Variants in LINS1 observed in about 807,000 individuals in gnomAD.
The protein encoded by LINS1 is lines homolog 1.
In LINS1, 27 loss-of-function variants were observed where a neutral mutation model predicts 41.6. The ratio of observed to expected loss-of-function variants is 0.65; its 90% CI spans 0.48 to 0.89. LINS1 has a LOEUF of 0.89. LINS1 is among the 40% of genes least tolerant of loss of function. The pLI is 0.00. For synonymous variants in LINS1, 336 were observed against 312.9 expected, an observed-to-expected ratio of 1.07 and a Z score of -0.78; for missense variants, 955 against 884.1, an observed-to-expected ratio of 1.08 and a Z score of -1.02.
At chr15:100,598,905 C>T (rs1471277495) in intron 1 of LINS1, among the ~76,000 whole-genome samples, 2 of 152,198 alleles carry the variant, frequency 1.3e-5, no homozygotes, top group Non-Finnish European at 2.9e-5. Context: ...CTTTATGGGC[C>T]AGGACACAGC....
At chr15:100,572,714 T>C (rs1357901340) in intron 5 of LINS1, 5 of 985,836 alleles carry the variant, frequency 5.1e-6, no homozygotes, top group Non-Finnish European at 6.0e-6. Flanking sequence ...TGAATCTGTA[T>C]GCTGCCTGTT....
At chr15:100,580,983 A>G in intron 1 of LINS1, 38 bp from the exon 2 acceptor site, 1 of 725,548 alleles carries the variant, frequency 1.4e-6, no homozygotes, top group Non-Finnish European at 2.2e-6. Flanking sequence ...TCTAACTGCT[A>G]TATGCTTATT....
intron 3 of LINS1, among the ~76,000 whole-genome samples, chr15:100,578,429 C>A (rs2038321972): frequency 6.6e-6 from 1 of 151,868 alleles, no homozygotes; most frequent in Non-Finnish European, 1.5e-5. Flanking sequence ...AAAAAATGCT[C>A]ATCATCACTG....
chr15:100,575,588 C>A (rs1314292146), intron 3 of LINS1, among the ~76,000 whole-genome samples: 1 of 152,130 alleles, frequency 6.6e-6, no homozygotes, highest in Admixed American at 6.5e-5. Flanking sequence ...GACTTTAACA[C>A]CCCACTGTCA....
intron 6 of LINS1, among the ~76,000 whole-genome samples, chr15:100,571,471 C>T (rs1231539545): frequency 6.6e-6 from 1 of 152,198 alleles, no homozygotes; most frequent in Admixed American, 6.5e-5. Flanking sequence ...CCAAATTCGA[C>T]TGAAACGAAA....
In LINS1 at chr15:100,580,496, T is replaced by C; in HGVS notation, c.347A>G (p.Tyr116Cys). The part of the protein sequence containing the change: ...VKTEFHAKEQ[Y>C]RDVIKILLES... ...TAAGAGAATTTTAATTACATCTCTGTACTGCTCCTTTGCATGGAACTCGGT... is the reference window on the plus strand; with the variant it reads ...TAAGAGAATTTTAATTACATCTCTGCACTGCTCCTTTGCATGGAACTCGGT... Residue 116 changes from tyrosine (Y) to cysteine (C), a missense_variant, in exon 2 of 7, where the codon TAC becomes TGC. By Grantham distance (194) the Tyr-to-Cys change is radical. Coordinates refer to ENST00000314742, the MANE Select transcript of LINS1 (RefSeq NM_001040616.3). The C allele has an allele frequency of 6.2e-7, 1 of 1,614,070 alleles. No homozygotes were observed.
intron 3 of LINS1, among the ~76,000 whole-genome samples, chr15:100,579,730 A>G (rs2038418001): frequency 6.6e-6 from 1 of 152,200 alleles, no homozygotes; most frequent in Non-Finnish European, 1.5e-5. Flanking sequence ...ACTGTTTTAT[A>G]TTATGCTGAG....
chr15:100,568,027 G>C lies in LINS1; in HGVS notation c.*1211C>G, dbSNP rs943319158. ...TTAGACTGCCTTAATGCCAGACTTC[G>C]CAGCACAATATAGCTATTGCTCCTA... is the stretch of plus-strand genomic sequence containing the variant. On this transcript the variant is annotated 3_prime_UTR_variant, in exon 7 of 7. Coordinates refer to ENST00000314742, the MANE Select transcript of LINS1 (RefSeq NM_001040616.3). 1 of 151,346 alleles carries C rather than the reference G, an allele frequency of 6.6e-6. No homozygotes were observed. The highest frequency in any genetic ancestry group is 2.1e-4 in the South Asian group (1 of 4,792). 9.4% of individuals were successfully genotyped at this position (151,346 alleles called of 1,614,324 possible).
At chr15:100,594,367 T>C (rs1471014928) in intron 1 of LINS1, among the ~76,000 whole-genome samples, 1 of 152,196 alleles carries the variant, frequency 6.6e-6, no homozygotes, top group Non-Finnish European at 1.5e-5. Flanking sequence ...TCAGGGGTCT[T>C]TGATTTTGGT....
intron 3 of LINS1, among the ~76,000 whole-genome samples, chr15:100,577,455 C>G (rs1167878661): frequency 6.6e-6 from 1 of 152,118 alleles, no homozygotes; most frequent in African/African-American, 2.4e-5. Flanking sequence ...ACCTAGGAAT[C>G]CAACTTACAA....
chr15:100,601,767 A>G (rs1202042914), intron 1 of LINS1, among the ~76,000 whole-genome samples: 1 of 152,048 alleles, frequency 6.6e-6, no homozygotes, highest in Non-Finnish European at 1.5e-5. Flanking sequence ...TGATCAGTCT[A>G]TCTCGCGTTT....
intron 1 of LINS1, among the ~76,000 whole-genome samples, chr15:100,601,608 C>T (rs759430064): frequency 1.1e-4 from 16 of 151,964 alleles, no homozygotes; most frequent in Admixed American, 3.9e-4. Flanking sequence ...CACCATTCTG[C>T]TTGATTTTCC....
intron 1 of LINS1, among the ~76,000 whole-genome samples, chr15:100,598,526 C>T (rs1013516359): frequency 6.6e-6 from 1 of 152,212 alleles, no homozygotes; most frequent in Admixed American, 6.5e-5. Context: ...AAGCAACACA[C>T]ACTGAAGCAC....
At chr15:100,572,190 A>C (rs2037869131) in intron 5 of LINS1, 125 bp from the exon 6 acceptor site, 3 of 1,515,458 alleles carry the variant, frequency 2.0e-6, no homozygotes, top group Admixed American at 4.1e-5. Context: ...ACTTTCAAAA[A>C]GTCATCAGGA....
chr15:100,574,580 C>T (rs1046540613), intron 4 of LINS1, among the ~76,000 whole-genome samples: 8 of 152,058 alleles, frequency 5.3e-5, no homozygotes, highest in South Asian at 4.1e-4. Flanking sequence ...TGGTGGTGAG[C>T]GCCTGTAATC....
In LINS1 at chr15:100,568,372, T is replaced by A. The variant is rs1006757723; in HGVS notation, c.*866A>T. On this transcript the variant is annotated 3_prime_UTR_variant, in exon 7 of 7. Coordinates refer to ENST00000314742, the MANE Select transcript of LINS1 (RefSeq NM_001040616.3). ...TAGGGTCTTTGCAGCTGTCATCAAGTTGAGATCATACTGGATGAGGGTAGG... is the reference window on the plus strand; with the variant it reads ...TAGGGTCTTTGCAGCTGTCATCAAGATGAGATCATACTGGATGAGGGTAGG... 1.3e-5 allele frequency: 2 copies of A among 152,216 alleles called. No homozygotes were observed. The highest frequency in any genetic ancestry group is 2.9e-5 in the Non-Finnish European group (2 of 68,046). The allele number at this position is 152,216 out of a possible 1,614,324, so 9.4% of individuals were successfully genotyped here.
At chr15:100,570,600 A>G (rs553326448) in intron 6 of LINS1, 1 of 154,182 alleles carries the variant, frequency 6.5e-6, no homozygotes, top group East Asian at 1.9e-4. Flanking sequence ...GAAGATTATA[A>G]CTGTAAGGCT....
intron 3 of LINS1, among the ~76,000 whole-genome samples, chr15:100,579,513 G>A (rs1432106707): frequency 1.3e-5 from 2 of 151,304 alleles, no homozygotes; most frequent in Non-Finnish European, 2.9e-5. Flanking sequence ...AATGTTAGCA[G>A]TGTTATCTCT....
chr15:100,585,749 A>G (rs1369477292), intron 1 of LINS1, among the ~76,000 whole-genome samples: 1 of 151,792 alleles, frequency 6.6e-6, no homozygotes, highest in Non-Finnish European at 1.5e-5. Context: ...GACTTATAAG[A>G]GTGCTCATAC....
Sources: allele counts gnomAD v4.1 joint callset (sites outside exome capture counted in the v4.1 genomes callset), GRCh38; gene constraint gnomAD v4.1.1; transcripts MANE v1.5; gene names NCBI Gene and HGNC (gene_info 2026-07-23, HGNC 2026-07-21).